Variants in COMMD6 observed in about 807,000 individuals in gnomAD.
COMMD6 encodes COMM domain containing 6.
A neutral mutation model predicts 13.4 loss-of-function variants in COMMD6; 11 were observed. The ratio of observed to expected loss-of-function variants is 0.82; its 90% CI spans 0.52 to 1.36. COMMD6 has a LOEUF of 1.36. Among genes scored for constraint, COMMD6 ranks in the 40% most tolerant of loss-of-function variants. COMMD6 has a pLI of 0.00. For synonymous variants in COMMD6, 43 were observed against 36.5 expected (o/e 1.18, Z -0.64); for missense variants, 124 against 102.4 (o/e 1.21, Z -0.91).
upstream of COMMD6, chr13:75,537,973 C>T (rs540904689): frequency 3.7e-6 from 2 of 547,750 alleles, no homozygotes; most frequent in Non-Finnish European, 6.2e-6. Flanking sequence ...CAACATATAT[C>T]TTAGGAGACA....
At chr13:75,536,020 T>C (rs1195546770) in intron 2 of COMMD6, among the ~76,000 whole-genome samples, 1 of 152,038 alleles carries the variant, frequency 6.6e-6, no homozygotes, top group Non-Finnish European at 1.5e-5. Flanking sequence ...CCTGAGTAGC[T>C]AGTACTACAG....
intron 1 of COMMD6, among the ~76,000 whole-genome samples, chr13:75,547,552 T>C (rs2030924240): frequency 6.6e-6 from 1 of 152,220 alleles, no homozygotes; most frequent in African/African-American, 2.4e-5. Flanking sequence ...CTCAGACTTA[T>C]TGAATCAAAA....
At chr13:75,542,290 CTTT>C (rs59815923), upstream of COMMD6, among the ~76,000 whole-genome samples, 8 of 138,104 alleles carry the variant, frequency 5.8e-5, no homozygotes, top group Non-Finnish European at 7.7e-5. Flanking sequence ...TCTTTCTTTC[CTTT>C]TTTTTTTTTT....
upstream of COMMD6, chr13:75,538,019 C>A: frequency 2.1e-6 from 1 of 470,032 alleles, no homozygotes; most frequent in Non-Finnish European, 3.7e-6. Flanking sequence ...GGAAAAAGGC[C>A]AAAGATTTGG....
At chr13:75,527,678 A>C in intron 3 of COMMD6, 1 of 877,082 alleles carries the variant, frequency 1.1e-6, no homozygotes, top group Non-Finnish European at 1.5e-6. Flanking sequence ...AGCCATAAAA[A>C]AGAAGGAAAT....
intron 1 of COMMD6, among the ~76,000 whole-genome samples, chr13:75,545,643 C>T (rs1450474829): frequency 6.6e-6 from 1 of 151,878 alleles, no homozygotes; most frequent in African/African-American, 2.4e-5. Context: ...GGTTAATTTT[C>T]TGTATTTTTA....
intron 1 of COMMD6, among the ~76,000 whole-genome samples, chr13:75,548,499 C>G (rs1324783768): frequency 6.6e-6 from 1 of 152,136 alleles, no homozygotes; most frequent in African/African-American, 2.4e-5. Flanking sequence ...GCACTCTTCC[C>G]CAGGTCAAAT....
At chr13:75,528,711 G>A (rs1414417259) in intron 3 of COMMD6, among the ~76,000 whole-genome samples, 1 of 151,922 alleles carries the variant, frequency 6.6e-6, no homozygotes, top group Non-Finnish European at 1.5e-5. Flanking sequence ...GCGTGGTGCT[G>A]CGTGCCTGTA....
At position 75,526,296 on chromosome 13, in the gene COMMD6, G is replaced by T; in HGVS notation, c.*293C>A. The T allele has an allele frequency of 3.8e-6, 1 of 263,360 alleles. No homozygotes were observed. 16.3% of individuals were successfully genotyped at this position (263,360 alleles called of 1,614,324 possible). ...AACTACTGTTGTAACACATAAATTT[G>T]TGCTGCCTCCAACAGCAATGATTCA... is the stretch of plus-strand genomic sequence containing the variant. On this transcript the variant is annotated 3_prime_UTR_variant, in exon 4 of 4. Coordinates refer to ENST00000682242, the MANE Select transcript of COMMD6 (RefSeq NM_203495.4).
At chr13:75,532,448 G>A (rs773403209) in intron 2 of COMMD6, among the ~76,000 whole-genome samples, 7 of 152,202 alleles carry the variant, frequency 4.6e-5, no homozygotes, top group South Asian at 2.1e-4. Flanking sequence ...TACCATAAAT[G>A]CACACCTAGC....
At chr13:75,549,072 G>A (rs1250165984) in intron 1 of COMMD6, among the ~76,000 whole-genome samples, 1 of 152,056 alleles carries the variant, frequency 6.6e-6, no homozygotes, top group Non-Finnish European at 1.5e-5. Flanking sequence ...CCCTTCCTCC[G>A]TAATTCCAGC....
At chr13:75,538,045 G>A (rs1773487312), upstream of COMMD6, 1 of 439,088 alleles carries the variant, frequency 2.3e-6, no homozygotes, top group East Asian at 3.4e-5. Context: ...ACTTTGAGAA[G>A]AGAAGCGCTA....
At chr13:75,529,345 C>A (rs183590221) in intron 3 of COMMD6, among the ~76,000 whole-genome samples, 1 of 152,002 alleles carries the variant, frequency 6.6e-6, no homozygotes, top group African/African-American at 2.4e-5. Flanking sequence ...ATGGTGAAAC[C>A]CCATCTCTAC....
chr13:75,545,592 G>C (rs988162411), intron 1 of COMMD6, among the ~76,000 whole-genome samples: 1 of 151,744 alleles, frequency 6.6e-6, no homozygotes, highest in African/African-American at 2.4e-5. Flanking sequence ...CCTGCCTCAG[G>C]CTCCCGAGTA....
chr13:75,537,310 G>C, intron 2 of COMMD6: 1 of 1,546,654 alleles, frequency 6.5e-7, no homozygotes. Flanking sequence ...AAATAACTTA[G>C]AGACTAAGAA....
chr13:75,540,325 TAC>T (rs1018807311), upstream of COMMD6, among the ~76,000 whole-genome samples: 31 of 101,962 alleles, frequency 3.0e-4, no homozygotes, highest in Non-Finnish European at 4.4e-4. Flanking sequence ...GGGTGGTAAA[TAC>T]ACACACACAC....
Position 75,525,875 on chromosome 13 carries a change from G to A in COMMD6, c.*714C>T, listed in dbSNP as rs1005488088. On this transcript the variant is annotated 3_prime_UTR_variant, in exon 4 of 4. Transcript: ENST00000682242. ...TGTGGTGGCTTTATAGTATAAAAGC[G>A]TTTAACAACAGGTTTATGTATTTAA... The A allele has an allele frequency of 3.9e-5, 6 of 152,174 alleles. No homozygotes were observed. Among genetic ancestry groups the A allele is most frequent in the East Asian group, 1.9e-4 (1 of 5,190 alleles). The allele number at this position is 152,174 out of a possible 1,614,324, so 9.4% of individuals were successfully genotyped here.
upstream of COMMD6, among the ~76,000 whole-genome samples, chr13:75,540,008 T>C (rs191281948): frequency 4.0e-3 from 603 of 150,134 alleles, 8 homozygotes; most frequent in African/African-American, 0.014. Context: ...TCTCACTCTG[T>C]TGCCCAGGCT....
In COMMD6 at chr13:75,535,085, G is replaced by A. The variant is rs9600489; in HGVS notation, c.54+2579C>T. On this transcript the variant is annotated intron_variant, in intron 2 of 3. Transcript: ENST00000682242. ...AGGCTATTTAGATATAACCTGGGACGACCTCTTTCATGCGGCTTTTGAACA... is the reference window on the plus strand; with the variant it reads ...AGGCTATTTAGATATAACCTGGGACAACCTCTTTCATGCGGCTTTTGAACA... Among the ~76,000 whole-genome samples, 1,209 of 152,272 alleles carry A rather than the reference G, an allele frequency of 7.9e-3. 19 individuals are homozygous for A. The highest frequency in any genetic ancestry group is 0.026 in the African/African-American group (1,097 of 41,550).
Sources: gnomAD v4.1 joint callset for allele counts (sites outside exome capture counted in the v4.1 genomes callset) on GRCh38, gnomAD v4.1.1 for gene constraint, MANE v1.5 for transcripts, NCBI Gene and HGNC (gene_info 2026-07-23, HGNC 2026-07-21) for gene names.